The following CADPS2 variants were observed in gnomAD, a reference collection of about 807,000 sequenced individuals.
CADPS2 encodes calcium-dependent secretion activator 2.
A neutral mutation model predicts 172.5 loss-of-function variants in CADPS2; 93 were observed. The ratio of observed to expected loss-of-function variants is 0.54; its 90% CI spans 0.46 to 0.64. CADPS2 has a LOEUF of 0.64. CADPS2 is among the 30% of genes least tolerant of loss of function. The probability of loss-of-function intolerance (pLI) is 0.00; values close to 1 mark genes in which losing one functional copy is unlikely to be tolerated. For missense variants in CADPS2, 1,420 were observed against 1,565.9 expected, an observed-to-expected ratio of 0.91 and a Z score of 1.57; for synonymous variants, 546 against 555.2, an observed-to-expected ratio of 0.98 and a Z score of 0.23.
At chr7:122,742,086 T>C (rs1350127347) in intron 1 of CADPS2, among the ~76,000 whole-genome samples, 3 of 152,136 alleles carry the variant, frequency 2.0e-5, no homozygotes, top group Admixed American at 6.6e-5. Context: ...GTCGCTATTA[T>C]AGCTTTTTTA....
At chr7:122,688,729 G>C (rs985230369) in intron 2 of CADPS2, among the ~76,000 whole-genome samples, 6 of 151,492 alleles carry the variant, frequency 4.0e-5, no homozygotes, top group African/African-American at 1.5e-4. Context: ...AGAGCCAAAT[G>C]ATGAGCCTTC....
chr7:122,572,604 C>T (rs528238361), intron 7 of CADPS2, among the ~76,000 whole-genome samples: 42 of 152,224 alleles, frequency 2.8e-4, no homozygotes, highest in African/African-American at 9.4e-4. Flanking sequence ...GGAGTATATA[C>T]TACCCAATAT....
chr7:122,670,660 G>A (rs2081731978), intron 2 of CADPS2, among the ~76,000 whole-genome samples: 1 of 151,718 alleles, frequency 6.6e-6, no homozygotes, highest in South Asian at 2.1e-4. Flanking sequence ...ACCACGCCTG[G>A]CTAATTTTTT....
At chr7:122,863,814 G>A (rs1408952494) in intron 1 of CADPS2, among the ~76,000 whole-genome samples, 7 of 152,172 alleles carry the variant, frequency 4.6e-5, no homozygotes, top group Non-Finnish European at 1.0e-4. Flanking sequence ...CAGATCACCT[G>A]AGGTCAGGCA....
At chr7:122,832,879 T>A (rs1807024409) in intron 1 of CADPS2, among the ~76,000 whole-genome samples, 1 of 152,220 alleles carries the variant, frequency 6.6e-6, no homozygotes, top group Non-Finnish European at 1.5e-5. Flanking sequence ...TGCTGGCTTT[T>A]TTTTAAAAAA....
At chr7:122,450,120 G>A (rs1475936621) in intron 15 of CADPS2, among the ~76,000 whole-genome samples, 2 of 151,998 alleles carry the variant, frequency 1.3e-5, no homozygotes, top group African/African-American at 2.4e-5. Context: ...ATAAAGAAAC[G>A]GAGTCTCAGC....
chr7:122,783,727 A>G (rs1235435102), intron 1 of CADPS2, among the ~76,000 whole-genome samples: 1 of 152,218 alleles, frequency 6.6e-6, no homozygotes, highest in African/African-American at 2.4e-5. Flanking sequence ...GATAATTGAC[A>G]TTGTGGACTT....
chr7:122,842,357 T>C (rs1204371282), intron 1 of CADPS2, among the ~76,000 whole-genome samples: 6 of 152,178 alleles, frequency 3.9e-5, no homozygotes, highest in Admixed American at 1.3e-4. Context: ...GATAAGCTCA[T>C]TGTGTGTCCA....
At chr7:122,834,468 G>A (rs970039890) in intron 1 of CADPS2, among the ~76,000 whole-genome samples, 5 of 152,124 alleles carry the variant, frequency 3.3e-5, no homozygotes, top group Non-Finnish European at 2.9e-5. Flanking sequence ...CACTGAGCGA[G>A]ATCCGAAGCA....
At chr7:122,672,208 A>C (rs2081939742) in intron 2 of CADPS2, among the ~76,000 whole-genome samples, 1 of 152,326 alleles carries the variant, frequency 6.6e-6, no homozygotes, top group African/African-American at 2.4e-5. Context: ...TAAATATAAA[A>C]TACCTGAATC....
chr7:122,388,706 CA>C lies in CADPS2; in HGVS notation c.3040del (p.Trp1014GlyfsTer24), dbSNP rs34581969. 2.5e-6 allele frequency: 4 copies of C among 1,605,636 alleles called. No homozygotes were observed. The highest frequency in any genetic ancestry group is 1.1e-5 in the South Asian group (1 of 89,898). On this transcript the variant is annotated frameshift_variant, in exon 23 of 30. Transcript: ENST00000449022. LOFTEE classifies it high-confidence loss of function. ...NGSATSEDLF[W>X]KLDALQMFVF... Reference sequence around the variant, plus strand: ...AAACATTTGCAGTGCATCAAGCTTCCAAAAAAGGTCTTCTGATGTTGCTGAG... The same window carrying C: ...AAACATTTGCAGTGCATCAAGCTTCCAAAAAGGTCTTCTGATGTTGCTGAG...
intron 25 of CADPS2, among the ~76,000 whole-genome samples, chr7:122,366,488 C>G (rs1330760698): frequency 1.3e-5 from 2 of 150,138 alleles, no homozygotes; most frequent in Non-Finnish European, 3.0e-5. Context: ...GCCTGAAATC[C>G]CAGCTACTCA....
At chr7:122,363,027 G>GA (rs1042209952) in intron 25 of CADPS2, among the ~76,000 whole-genome samples, 2 of 150,134 alleles carry the variant, frequency 1.3e-5, no homozygotes, top group African/African-American at 2.4e-5. Flanking sequence ...GATGCCTAGG[G>GA]AAAAAAAATC....
intron 3 of CADPS2, among the ~76,000 whole-genome samples, chr7:122,645,681 A>ATATCTC (rs796988558): frequency 0.15 from 17,157 of 116,390 alleles, 1,363 homozygotes; most frequent in African/African-American, 0.2. Context: ...ATATATATAT[A>ATATCTC]TCTTGGGATT....
chr7:122,549,932 C>T (rs138279886), intron 8 of CADPS2, among the ~76,000 whole-genome samples: 268 of 152,250 alleles, frequency 1.8e-3, no homozygotes, highest in Non-Finnish European at 3.4e-3. Flanking sequence ...ACTACCTCGA[C>T]GCAGCTAAGA....
intron 24 of CADPS2, chr7:122,386,341 T>C: frequency 7.4e-7 from 1 of 1,352,368 alleles, no homozygotes; most frequent in East Asian, 2.7e-5. Flanking sequence ...AAAAAAAAGA[T>C]GATGAAAGAG....
chr7:122,550,301 C>T (rs1036164639), intron 8 of CADPS2, among the ~76,000 whole-genome samples: 7 of 152,070 alleles, frequency 4.6e-5, no homozygotes, highest in Non-Finnish European at 8.8e-5. Context: ...TTAATCCATC[C>T]GTTCATTCAA....
rs573515988 is a variant in CADPS2, at chr7:122,787,166, G to A, written c.340-50098C>T. ...TGCATATCAGCTGAATGATTTGAGC[G>A]TAGATATCTAAACACCCTGCACCTC... On this transcript the variant is annotated intron_variant, in intron 1 of 29. Transcript: ENST00000449022. Among the ~76,000 whole-genome samples the A allele has an allele frequency of 1.1e-4, 17 of 152,204 alleles. No individual in the cohort carries two copies. The South Asian group carries it at 1.5e-3, about 13-fold the overall frequency.
intron 6 of CADPS2, among the ~76,000 whole-genome samples, chr7:122,583,392 C>A (rs1167542482): frequency 6.6e-6 from 1 of 151,812 alleles, no homozygotes; most frequent in Non-Finnish European, 1.5e-5. Flanking sequence ...CTCCTCTCCA[C>A]CGTCACTACT....
Sources: gnomAD v4.1 joint callset for allele counts (sites outside exome capture counted in the v4.1 genomes callset) on GRCh38, gnomAD v4.1.1 for gene constraint, MANE v1.5 for transcripts, NCBI Gene and HGNC (gene_info 2026-07-23, HGNC 2026-07-21) for gene names.